Variants in PHACTR3 observed in about 807,000 individuals in gnomAD.
The protein encoded by PHACTR3 is protein phosphatase 1, regulatory subunit 123.
PHACTR3 carries 16 observed loss-of-function variants against 66.8 expected under a neutral mutation model. The observed-to-expected ratio is 0.24, with a 90% CI of 0.16 to 0.36. PHACTR3 has a LOEUF of 0.36. PHACTR3 is among the 10% of genes least tolerant of loss of function. The probability of loss-of-function intolerance (pLI) is 1.00; values close to 1 mark genes in which losing one functional copy is unlikely to be tolerated. For synonymous variants in PHACTR3, 323 were observed against 292.1 expected (o/e 1.11, Z -1.08); for missense variants, 647 against 719.9 (o/e 0.90, Z 1.16).
At chr20:59,758,263 C>T (rs77693376) in intron 4 of PHACTR3, among the ~76,000 whole-genome samples, 3,398 of 152,118 alleles carry the variant, frequency 0.022, 59 homozygotes, top group Non-Finnish European at 0.035. Flanking sequence ...TATTAATGTT[C>T]AATTAATAAT....
intron 1 of PHACTR3, among the ~76,000 whole-genome samples, chr20:59,674,445 T>G (rs2146517901): frequency 8.9e-6 from 1 of 111,744 alleles, no homozygotes; most frequent in Admixed American, 1.0e-4. Flanking sequence ...CTCCTGTTCC[T>G]TCCCCTTCTC....
intron 8 of PHACTR3, among the ~76,000 whole-genome samples, chr20:59,833,682 C>A (rs1294882256): frequency 6.6e-6 from 1 of 152,086 alleles, no homozygotes; most frequent in Admixed American, 6.5e-5. Flanking sequence ...CCTGGCTGGG[C>A]AGCTGGCTCA....
chr20:59,732,459 TTAAG>T (rs1483462148), intron 1 of PHACTR3, among the ~76,000 whole-genome samples: 1 of 152,186 alleles, frequency 6.6e-6, no homozygotes, highest in Non-Finnish European at 1.5e-5. Context: ...TCTCCTAAAA[TTAAG>T]TATTTATTCA....
chr20:59,649,145 T>C (rs1237365320), intron 1 of PHACTR3, among the ~76,000 whole-genome samples: 1 of 152,052 alleles, frequency 6.6e-6, no homozygotes, highest in African/African-American at 2.4e-5. Context: ...TGGCCTAATA[T>C]AAAAAAAGAC....
rs187918355 is a variant in PHACTR3, at chr20:59,733,910, C to T, written c.119-9197C>T. On this transcript the variant is annotated intron_variant, in intron 1 of 12. Transcript: ENST00000371015. The stretch of plus-strand genomic sequence containing the variant: ...GATGACAAAAACAAACCTTCGTATT[C>T]CTTGGCTCTTCCATATGTGTGAGTG... Among the ~76,000 whole-genome samples, 1,072 of 152,214 alleles carry T rather than the reference C, an allele frequency of 7.0e-3. 4 individuals carry two copies. Among genetic ancestry groups the T allele is most frequent in the Non-Finnish European group, 0.01 (702 of 67,998 alleles).
At chr20:59,602,331 T>C (rs555685603), upstream of PHACTR3, among the ~76,000 whole-genome samples, 50 of 151,178 alleles carry the variant, frequency 3.3e-4, no homozygotes, top group South Asian at 3.4e-3. Context: ...CTAGGAAGGC[T>C]GAGGTGGGAT....
intron 1 of PHACTR3, among the ~76,000 whole-genome samples, chr20:59,620,681 C>T (rs1012995908): frequency 6.6e-6 from 1 of 152,186 alleles, no homozygotes; most frequent in Non-Finnish European, 1.5e-5. Context: ...AGCCAGGTGC[C>T]TCTGCTCTAA....
At chr20:59,816,673 G>A (rs1232873655) in intron 8 of PHACTR3, among the ~76,000 whole-genome samples, 2 of 152,166 alleles carry the variant, frequency 1.3e-5, no homozygotes, top group Non-Finnish European at 2.9e-5. Flanking sequence ...CTCAGTGCCT[G>A]GTACACAGTA....
chr20:59,729,840 C>T (rs1239815165), intron 1 of PHACTR3, among the ~76,000 whole-genome samples: 1 of 152,182 alleles, frequency 6.6e-6, no homozygotes, highest in East Asian at 1.9e-4. Flanking sequence ...CAGTTCCAGA[C>T]ATTCAAGCAT....
intron 1 of PHACTR3, among the ~76,000 whole-genome samples, chr20:59,658,076 A>G (rs1049409121): frequency 2.6e-5 from 4 of 152,118 alleles, no homozygotes; most frequent in African/African-American, 9.7e-5. Context: ...TACCAATTCA[A>G]CAAAGCCACT....
At chr20:59,796,986 T>C (rs2041268340) in intron 7 of PHACTR3, among the ~76,000 whole-genome samples, 2 of 152,188 alleles carry the variant, frequency 1.3e-5, no homozygotes, top group South Asian at 2.1e-4. Context: ...AATGCAAACA[T>C]TTGTTTACTT....
intron 1 of PHACTR3, among the ~76,000 whole-genome samples, chr20:59,635,201 T>TTTCTTTCTTCCC (rs1555881193): frequency 3.4e-5 from 1 of 29,312 alleles, no homozygotes; most frequent in African/African-American, 1.1e-4. Flanking sequence ...TTTCTCTTTC[T>TTTCTTTCTTCCC]TTCTTTCCTT....
intron 1 of PHACTR3, among the ~76,000 whole-genome samples, chr20:59,677,584 A>G (rs1303134701): frequency 1.3e-5 from 2 of 152,176 alleles, no homozygotes; most frequent in African/African-American, 4.8e-5. Flanking sequence ...TTAAGCTGCA[A>G]GGTTTTATGT....
At chr20:59,614,682 T>A (rs1437427086) in intron 1 of PHACTR3, among the ~76,000 whole-genome samples, 1 of 152,236 alleles carries the variant, frequency 6.6e-6, no homozygotes, top group Non-Finnish European at 1.5e-5. Context: ...CTTGCAATAC[T>A]CTTCCTAATG....
chr20:59,686,607 G>T (rs537970084), intron 1 of PHACTR3, among the ~76,000 whole-genome samples: 99 of 151,902 alleles, frequency 6.5e-4, no homozygotes, highest in African/African-American at 2.4e-3. Context: ...TGATGATGGT[G>T]GTGATGATGA....
intron 7 of PHACTR3, 76 bp downstream of exon 7, chr20:59,774,566 CTCG>C: frequency 9.8e-6 from 15 of 1,536,754 alleles, no homozygotes; most frequent in Non-Finnish European, 1.3e-5. Flanking sequence ...GAGGACAGAG[CTCG>C]TGCCTGGGGG....
intron 7 of PHACTR3, among the ~76,000 whole-genome samples, chr20:59,777,208 C>G (rs899870247): frequency 6.6e-6 from 1 of 152,176 alleles, no homozygotes; most frequent in African/African-American, 2.4e-5. Context: ...AGTAGTATTG[C>G]AGGCAGGGCC....
chr20:59,775,515 C>T (rs2146901408), intron 7 of PHACTR3, among the ~76,000 whole-genome samples: 1 of 152,262 alleles, frequency 6.6e-6, no homozygotes, highest in East Asian at 1.9e-4. Context: ...CTCCCGCTTC[C>T]TGCTGCTTTG....
chr20:59,769,281 T>C (rs1436516053), intron 5 of PHACTR3, among the ~76,000 whole-genome samples: 1 of 152,206 alleles, frequency 6.6e-6, no homozygotes, highest in African/African-American at 2.4e-5. Flanking sequence ...CCTCAGAACA[T>C]GACCTTGTTT....
Sources: allele counts gnomAD v4.1 joint callset (sites outside exome capture counted in the v4.1 genomes callset), GRCh38; gene constraint gnomAD v4.1.1; transcripts MANE v1.5; gene names NCBI Gene and HGNC (gene_info 2026-07-23, HGNC 2026-07-21).